Variants in DTNB observed in about 807,000 individuals in gnomAD.
DTNB encodes the protein DTN-B.
A neutral mutation model predicts 90.7 loss-of-function variants in DTNB; 63 were observed. The observed-to-expected ratio is 0.69, with a 90% CI of 0.57 to 0.86. The LOEUF is 0.86. Among genes scored for constraint, DTNB ranks in the 40% least tolerant of loss-of-function variants. DTNB has a pLI of 0.00. For synonymous variants in DTNB, 277 were observed against 286.7 expected (o/e 0.97, Z 0.34); for missense variants, 744 against 807.1 (o/e 0.92, Z 0.95).
At chr2:25,411,677 G>A (rs868009746) in intron 16 of DTNB, among the ~76,000 whole-genome samples, 2 of 152,186 alleles carry the variant, frequency 1.3e-5, no homozygotes, top group Non-Finnish European at 2.9e-5. Context: ...AGTGGTGCCT[G>A]AGGCCCGGGA....
intron 10 of DTNB, among the ~76,000 whole-genome samples, chr2:25,463,296 T>C (rs999943054): frequency 2.0e-5 from 3 of 152,242 alleles, no homozygotes; most frequent in African/African-American, 7.2e-5. Context: ...TCTCTTTTCC[T>C]TGAACACACA....
chr2:25,656,853 T>A (rs2082154608), intron 1 of DTNB, among the ~76,000 whole-genome samples: 1 of 152,146 alleles, frequency 6.6e-6, no homozygotes, highest in African/African-American at 2.4e-5. Flanking sequence ...GCTATGCAAA[T>A]GTAAGAGAAG....
chr2:25,628,475 A>C, intron 3 of DTNB, 91 bp from the exon 4 acceptor site: 1 of 1,221,030 alleles, frequency 8.2e-7, no homozygotes, highest in Non-Finnish European at 1.1e-6. Flanking sequence ...CTAGTTCTTA[A>C]GTTTAAAGAG....
intron 9 of DTNB, among the ~76,000 whole-genome samples, chr2:25,514,567 T>C (rs1274320956): frequency 6.7e-6 from 1 of 148,572 alleles, no homozygotes; most frequent in Non-Finnish European, 1.5e-5. Context: ...CTAAACGAAT[T>C]TACTAGATCT....
chr2:25,416,792 G>GGAAGGAAGGAAC (rs755397310), intron 16 of DTNB, among the ~76,000 whole-genome samples: 2 of 134,908 alleles, frequency 1.5e-5, no homozygotes, highest in East Asian at 2.3e-4. Flanking sequence ...CTGGAAGGAA[G>GGAAGGAAGGAAC]GAAGGAAGGA....
chr2:25,535,808 C>T (rs80307750), intron 8 of DTNB, among the ~76,000 whole-genome samples: 38,353 of 141,018 alleles, frequency 0.27, 5,894 homozygotes, highest in East Asian at 0.5. Flanking sequence ...TCAGGGCAGC[C>T]GGGCAGAGGT....
At chr2:25,605,696 G>C (rs1419643176) in intron 5 of DTNB, among the ~76,000 whole-genome samples, 1 of 151,958 alleles carries the variant, frequency 6.6e-6, no homozygotes, top group African/African-American at 2.4e-5. Flanking sequence ...TTTTCAACCA[G>C]TCTCCCCAAT....
rs375513537 is a variant in DTNB at position 25,670,670 on chromosome 2, G to A, written c.-2+2716C>T. The stretch of plus-strand genomic sequence containing the variant: ...GGCAGAATACAATCTACACAACTAG[G>A]TGCCACAGCTCTGATGCTCGTGTAA... On this transcript the variant is annotated intron_variant, in intron 1 of 20. Coordinates refer to ENST00000406818, the MANE Select transcript of DTNB (RefSeq NM_021907.5). 5.8e-4 allele frequency among the ~76,000 whole-genome samples: 89 copies of A among 152,310 alleles called. 1 individual carries two copies. The South Asian group carries it at 0.016, about 28-fold the overall frequency.
In DTNB at chr2:25,388,332, C is replaced by T. The variant is rs774448618; in HGVS notation, c.1605G>A (p.Ser535=). The T allele has an allele frequency of 5.0e-6, 8 of 1,612,238 alleles. No individual in the cohort carries two copies. Among genetic ancestry groups the T allele is most frequent in the Middle Eastern group, 1.6e-4 (1 of 6,074 alleles). ...TTGGCCGGCCGCCTCCATGGGTGGG[C>T]GATGTATGTGGTGACCCTGTGGCCT... ...AAQATGSPHT[S]PTHGGGRPMP... Residue 535 remains serine (S), a synonymous_variant, in exon 17 of 21, where the codon TCG becomes TCA. Transcript: ENST00000406818.
intron 16 of DTNB, among the ~76,000 whole-genome samples, chr2:25,393,135 C>T (rs1029249881): frequency 1.3e-5 from 2 of 152,152 alleles, no homozygotes; most frequent in Admixed American, 6.5e-5. Context: ...AAACAAAAAT[C>T]ACATGATCCA....
chr2:25,526,395 A>AT lies in DTNB; in HGVS notation c.1001+5077dup, dbSNP rs1245672956. On this transcript the variant is annotated intron_variant, in intron 9 of 20. Transcript: ENST00000406818. ...TATATATATATATATATATATATAT[A>AT]TTTTTTTTTTTTTAATTGAGACAGA... is the stretch of plus-strand genomic sequence containing the variant. Among the ~76,000 whole-genome samples the AT allele has an allele frequency of 8.1e-3, 404 of 49,804 alleles. 5 individuals are homozygous for AT. Among genetic ancestry groups the AT allele is most frequent in the South Asian group, 0.017 (25 of 1,480 alleles). 32.7% of individuals were successfully genotyped at this position (49,804 alleles called of 152,430 possible). A position where few individuals can be genotyped will look rare whatever the true frequency, so the allele number is the denominator to read the frequency against.
At chr2:25,405,254 G>A (rs2044798265) in intron 16 of DTNB, among the ~76,000 whole-genome samples, 1 of 152,118 alleles carries the variant, frequency 6.6e-6, no homozygotes, top group Non-Finnish European at 1.5e-5. Context: ...AAAATAAAAT[G>A]TTCTGGCGGG....
intron 9 of DTNB, among the ~76,000 whole-genome samples, chr2:25,502,880 TAAAAAA>T (rs776792939): frequency 3.8e-5 from 3 of 79,502 alleles, no homozygotes; most frequent in Admixed American, 3.0e-4. Flanking sequence ...AGCAACTGTC[TAAAAAA>T]AAAAAAAAAA....
At chr2:25,628,466 T>A (rs967238874) in intron 3 of DTNB, 82 bp from the exon 4 acceptor site, 2 of 1,311,430 alleles carry the variant, frequency 1.5e-6, no homozygotes, top group African/African-American at 3.0e-5. Context: ...ATTTATCAAC[T>A]AGTTCTTAAG....
At chr2:25,668,575 C>T (rs1018801618) in intron 1 of DTNB, among the ~76,000 whole-genome samples, 3 of 152,126 alleles carry the variant, frequency 2.0e-5, no homozygotes, top group African/African-American at 7.2e-5. Flanking sequence ...ACTTTAACAA[C>T]AATGTATCAA....
intron 10 of DTNB, among the ~76,000 whole-genome samples, chr2:25,463,728 G>A (rs943423187): frequency 2.0e-5 from 3 of 152,236 alleles, no homozygotes; most frequent in Admixed American, 2.0e-4. Flanking sequence ...TGGGAGCCAG[G>A]TGTCTCACCC....
Position 25,438,017 on chromosome 2 carries a change from C to T in DTNB, c.1258-4022G>A, listed in dbSNP as rs555157035. On this transcript the variant is annotated intron_variant, in intron 12 of 20. Transcript: ENST00000406818. ...TTTAAATGAGGTGGTGATGAAAGGG[C>T]TCTCAGAGACTCAATGAAGTGAGGA... is the stretch of plus-strand genomic sequence containing the variant. Among the ~76,000 whole-genome samples the T allele has an allele frequency of 7.2e-5, 11 of 152,280 alleles. No individual in the cohort carries two copies. In the East Asian group the frequency reaches 1.9e-3, roughly 27 times the overall value.
At chr2:25,641,174 A>G (rs2078224114) in intron 2 of DTNB, among the ~76,000 whole-genome samples, 1 of 152,168 alleles carries the variant, frequency 6.6e-6, no homozygotes, top group Admixed American at 6.5e-5. Flanking sequence ...CAGTGGAAAA[A>G]GGGTACAGAG....
chr2:25,610,648 C>CA (rs2068361876), intron 4 of DTNB, among the ~76,000 whole-genome samples: 1 of 151,880 alleles, frequency 6.6e-6, no homozygotes, highest in African/African-American at 2.4e-5. Flanking sequence ...GGTCAAAAGA[C>CA]AGAACATTAC....
Sources: gnomAD v4.1 joint callset for allele counts (sites outside exome capture counted in the v4.1 genomes callset) on GRCh38, gnomAD v4.1.1 for gene constraint, MANE v1.5 for transcripts, NCBI Gene and HGNC (gene_info 2026-07-23, HGNC 2026-07-21) for gene names.